Variants in IKZF2 observed in about 807,000 individuals in gnomAD.
The protein encoded by IKZF2 is zinc finger protein Helios.
IKZF2 carries 15 observed loss-of-function variants against 49.2 expected under a neutral mutation model. The ratio of observed to expected loss-of-function variants is 0.30; its 90% CI spans 0.20 to 0.47. IKZF2 has a LOEUF of 0.47. Among genes scored for constraint, IKZF2 ranks in the 20% least tolerant of loss-of-function variants. The probability of loss-of-function intolerance (pLI) is 1.00; values close to 1 mark genes in which losing one functional copy is unlikely to be tolerated. For synonymous variants in IKZF2, 227 were observed against 221.4 expected (o/e 1.03, Z -0.23); for missense variants, 567 against 664.6 (o/e 0.85, Z 1.61).
intron 4 of IKZF2, among the ~76,000 whole-genome samples, chr2:213,079,440 G>C (rs934349660): frequency 9.4e-6 from 1 of 106,542 alleles, no homozygotes; most frequent in Admixed American, 8.5e-5. Flanking sequence ...AGGAAGGAAA[G>C]GAGGGAGGGA....
intron 4 of IKZF2, among the ~76,000 whole-genome samples, chr2:213,140,331 T>A (rs533361096): frequency 6.6e-6 from 1 of 152,082 alleles, no homozygotes; most frequent in African/African-American, 2.4e-5. Context: ...TATGATATTA[T>A]ATTTTTAAAA....
intron 6 of IKZF2, among the ~76,000 whole-genome samples, chr2:213,024,568 A>G (rs1295126032): frequency 1.3e-5 from 2 of 152,168 alleles, no homozygotes; most frequent in Non-Finnish European, 1.5e-5. Flanking sequence ...TGTTTGAAGT[A>G]GGAACATTTC....
intron 8 of IKZF2, among the ~76,000 whole-genome samples, chr2:213,013,076 G>T (rs1696151596): frequency 6.6e-6 from 1 of 151,940 alleles, no homozygotes; most frequent in African/African-American, 2.4e-5. Flanking sequence ...AAAAGGGAAA[G>T]TCTAAATATA....
At chr2:213,052,548 ATCATT>A (rs1471356220) in intron 5 of IKZF2, among the ~76,000 whole-genome samples, 2 of 152,074 alleles carry the variant, frequency 1.3e-5, no homozygotes, top group Non-Finnish European at 1.5e-5. Flanking sequence ...AAAGATAATT[ATCATT>A]TCAAGAGTCC....
intron 4 of IKZF2, among the ~76,000 whole-genome samples, chr2:213,107,436 A>G (rs1391092694): frequency 6.6e-6 from 1 of 152,208 alleles, no homozygotes; most frequent in African/African-American, 2.4e-5. Context: ...GTGTACATAC[A>G]CGCACTTTCC....
intron 4 of IKZF2, among the ~76,000 whole-genome samples, chr2:213,080,584 A>C (rs1329075796): frequency 1.3e-5 from 2 of 152,196 alleles, no homozygotes; most frequent in Non-Finnish European, 2.9e-5. Flanking sequence ...AATGCAAGTG[A>C]TTAAGACTAG....
Position 213,057,070 on chromosome 2 carries a change from C to A in IKZF2, c.169G>T (p.Asp57Tyr). The A allele has an allele frequency of 6.2e-7, 1 of 1,613,422 alleles. No homozygotes were observed. The highest frequency in any genetic ancestry group is 2.2e-5 in the East Asian group (1 of 44,860). The change falls in exon 5 of 9, where the codon GAT becomes TAT. Residue 57 changes from aspartate to tyrosine, a missense_variant. By Grantham distance (160) the Asp-to-Tyr change is radical. This residue lies in a region of IKZF2 where 156 missense variants were observed against 138.5 expected (regional missense o/e 1.13). Coordinates refer to ENST00000434687, the MANE Select transcript of IKZF2 (RefSeq NM_001387220.1). ...AGGGGTTTCCTGTCACACTCTTCAT[C>A]ACTCTGCATTTCTAGCTTTACTGAA... ...TNSVKLEMQS[D>Y]EECDRKPLSR...
intron 7 of IKZF2, chr2:213,015,002 G>A (rs1393832779): frequency 6.6e-6 from 1 of 151,932 alleles, no homozygotes; most frequent in Non-Finnish European, 1.5e-5. Context: ...ATTTGTATAA[G>A]ATAGTCCCAC....
At chr2:213,104,242 T>C (rs1442476480) in intron 4 of IKZF2, among the ~76,000 whole-genome samples, 2 of 148,684 alleles carry the variant, frequency 1.3e-5, no homozygotes, top group Non-Finnish European at 3.0e-5. Context: ...GTAATCTCTC[T>C]ACCACTGCTT....
At chr2:213,032,319 T>G (rs1698525316) in intron 6 of IKZF2, among the ~76,000 whole-genome samples, 1 of 152,300 alleles carries the variant, frequency 6.6e-6, no homozygotes, top group South Asian at 2.1e-4. Context: ...TATATCCTGA[T>G]AAAGTGGGTC....
chr2:213,067,844 C>T (rs1213867521), intron 4 of IKZF2, among the ~76,000 whole-genome samples: 1 of 152,050 alleles, frequency 6.6e-6, no homozygotes, highest in African/African-American at 2.4e-5. Flanking sequence ...AAGCCCCACA[C>T]CACCATGCCA....
intron 4 of IKZF2, among the ~76,000 whole-genome samples, chr2:213,141,281 C>T (rs1262115698): frequency 6.6e-6 from 1 of 151,938 alleles, no homozygotes; most frequent in African/African-American, 2.4e-5. Flanking sequence ...TAAATATGCA[C>T]CTGCCTAGAG....
At chr2:213,080,368 G>T (rs775261923) in intron 4 of IKZF2, among the ~76,000 whole-genome samples, 11 of 152,016 alleles carry the variant, frequency 7.2e-5, no homozygotes, top group Admixed American at 1.3e-4. Context: ...GAGGCACAAA[G>T]GTTCATTAAA....
At position 213,147,730 on chromosome 2, in the gene IKZF2, G is replaced by C. The variant is rs2061128556; in HGVS notation, c.117C>G (p.Ala39=). ...LTSSTPNGQH[A]SPSHMTSTNS... ...TACTGCTTGTCATGTGACTTGGTGA[G>C]GCATGCTGTCCATTGGGTGTGCTTG... The change falls in exon 4 of 9, where the codon GCC becomes GCG. Residue 39 remains alanine (A), a synonymous_variant. Coordinates refer to ENST00000434687, the MANE Select transcript of IKZF2 (RefSeq NM_001387220.1). 6.2e-7 allele frequency: 1 copy of C among 1,613,584 alleles called. No individual in the cohort carries two copies. Among genetic ancestry groups the C allele is most frequent in the Non-Finnish European group, 8.5e-7 (1 of 1,179,634 alleles).
intron 4 of IKZF2, among the ~76,000 whole-genome samples, chr2:213,106,716 A>C (rs553808374): frequency 2.6e-5 from 4 of 152,084 alleles, no homozygotes; most frequent in African/African-American, 9.6e-5. Context: ...CATTTCTGAG[A>C]CTAAATATCT....
chr2:213,036,838 G>A (rs1357328713), intron 6 of IKZF2, among the ~76,000 whole-genome samples: 1 of 152,046 alleles, frequency 6.6e-6, no homozygotes, highest in Admixed American at 6.6e-5. Context: ...GATAGTATAG[G>A]CTGTGGATGA....
chr2:213,033,060 G>C (rs145187112), intron 6 of IKZF2, among the ~76,000 whole-genome samples: 100 of 140,716 alleles, frequency 7.1e-4, no homozygotes, highest in African/African-American at 2.4e-3. Flanking sequence ...ATCCTCTGTT[G>C]TCATTTCAAC....
chr2:213,087,792 G>A (rs930528890), intron 4 of IKZF2, among the ~76,000 whole-genome samples: 1 of 152,054 alleles, frequency 6.6e-6, no homozygotes, highest in Non-Finnish European at 1.5e-5. Context: ...CATAATGATG[G>A]TTTCCAGCTT....
intron 4 of IKZF2, among the ~76,000 whole-genome samples, chr2:213,068,135 A>T (rs2125462814): frequency 6.6e-6 from 1 of 152,254 alleles, no homozygotes; most frequent in Middle Eastern, 3.4e-3. Context: ...ACAGACATAT[A>T]AGGTATAGTT....
Sources: allele counts gnomAD v4.1 joint callset (sites outside exome capture counted in the v4.1 genomes callset), GRCh38; gene constraint gnomAD v4.1.1; regional missense constraint gnomAD v4.1.1; transcripts MANE v1.5; gene names NCBI Gene and HGNC (gene_info 2026-07-23, HGNC 2026-07-21).